DCDC2C: variants seen among roughly 807,000 people sequenced by gnomAD.
The protein encoded by DCDC2C is doublecortin domain containing 2C, also known as doublecortin domain-containing protein 2C.
A neutral mutation model predicts 45.0 loss-of-function variants in DCDC2C; 44 were observed. The ratio of observed to expected loss-of-function variants is 0.98; its 90% confidence interval spans 0.77 to 1.26. DCDC2C has a LOEUF of 1.26. Ranked by LOEUF, DCDC2C falls within the 50% of genes most tolerant of loss-of-function variation. The pLI is 0.00. For synonymous variants in DCDC2C, 187 were observed against 178.8 expected (o/e 1.05, Z -0.37); for missense variants, 447 against 468.9 (o/e 0.95, Z 0.43).
chr2:3,736,476 C>A (rs1309377056), intron 3 of DCDC2C, among the ~76,000 whole-genome samples: 12 of 152,122 alleles, frequency 7.9e-5, no homozygotes, highest in Admixed American at 7.2e-4. Context: ...AGGGTGACTT[C>A]TCCTGTTGAG....
chr2:3,804,720 G>A (rs1156490770), intron 10 of DCDC2C, among the ~76,000 whole-genome samples: 1 of 152,182 alleles, frequency 6.6e-6, no homozygotes, highest in Non-Finnish European at 1.5e-5. Context: ...TGTTATAACA[G>A]ACATGGTCTT....
At chr2:3,721,551 G>A (rs17017928) in intron 2 of DCDC2C, among the ~76,000 whole-genome samples, 3,819 of 152,204 alleles carry the variant, frequency 0.025, 174 homozygotes, top group African/African-American at 0.087. Flanking sequence ...AGACTTTGGA[G>A]CCCAAGACAA....
chr2:3,754,428 C>T (rs1375083675), intron 5 of DCDC2C, among the ~76,000 whole-genome samples, 164 bp from the exon 6 acceptor site: 1 of 152,192 alleles, frequency 6.6e-6, no homozygotes, highest in Non-Finnish European at 1.5e-5. Flanking sequence ...GTTTTCTGCT[C>T]CCAAAGCTGG....
chr2:3,739,415 G>A (rs190450584), intron 3 of DCDC2C, among the ~76,000 whole-genome samples: 79 of 152,200 alleles, frequency 5.2e-4, no homozygotes, highest in African/African-American at 1.8e-3. Context: ...CCCCCATCCT[G>A]TGCCTATAAA....
chr2:3,715,576 T>TTCCA (rs59747438), intron 2 of DCDC2C, among the ~76,000 whole-genome samples: 16,852 of 151,124 alleles, frequency 0.11, 983 homozygotes, highest in Non-Finnish European at 0.13. Context: ...ATCCTAAACT[T>TTCCA]TCCATCCATC....
chr2:3,721,013 G>A (rs1003991332), intron 2 of DCDC2C, among the ~76,000 whole-genome samples: 10 of 151,968 alleles, frequency 6.6e-5, no homozygotes, highest in South Asian at 4.2e-4. Context: ...CGTTCATTTC[G>A]TTTAAGTTGT....
chr2:3,728,713 A>G (rs1430960580), intron 3 of DCDC2C, among the ~76,000 whole-genome samples: 1 of 152,246 alleles, frequency 6.6e-6, no homozygotes, highest in Non-Finnish European at 1.5e-5. Flanking sequence ...TTGTCGCTAT[A>G]AAAACACATA....
chr2:3,814,685 G>A (rs1255678975), intron 10 of DCDC2C, among the ~76,000 whole-genome samples: 1 of 152,266 alleles, frequency 6.6e-6, no homozygotes. Context: ...GGTCTGCAGA[G>A]ACTGTGGCCA....
At chr2:3,742,099 A>G (rs1669234266) in intron 4 of DCDC2C, 51 bp downstream of exon 4, 2 of 1,473,508 alleles carry the variant, frequency 1.4e-6, no homozygotes, top group African/African-American at 1.4e-5. Flanking sequence ...GCTTGTGTTT[A>G]TTCTTTCTAT....
intron 10 of DCDC2C, among the ~76,000 whole-genome samples, chr2:3,790,771 G>A (rs149017349): frequency 2.0e-5 from 3 of 152,156 alleles, no homozygotes; most frequent in African/African-American, 7.2e-5. Flanking sequence ...GTAATGCTAA[G>A]TGGTGTCGTG....
chr2:3,786,258 T>C (rs143405230), intron 10 of DCDC2C, among the ~76,000 whole-genome samples: 1 of 149,974 alleles, frequency 6.7e-6, no homozygotes, highest in Non-Finnish European at 1.5e-5. Flanking sequence ...GCACGGAACC[T>C]CTGATGTGGA....
chr2:3,799,270 T>G (rs1442070014), intron 10 of DCDC2C, among the ~76,000 whole-genome samples: 2 of 152,128 alleles, frequency 1.3e-5, no homozygotes, highest in Non-Finnish European at 2.9e-5. Flanking sequence ...TTATACATTC[T>G]TCTAAATTTT....
At chr2:3,841,081 AT>A (rs1274445296) in intron 10 of DCDC2C, among the ~76,000 whole-genome samples, 1 of 152,222 alleles carries the variant, frequency 6.6e-6, no homozygotes, top group Admixed American at 6.5e-5. Context: ...CAGATTTTCC[AT>A]TGTTCAATTA....
At chr2:3,758,746 G>A (rs988384225) in intron 6 of DCDC2C, among the ~76,000 whole-genome samples, 8 of 152,220 alleles carry the variant, frequency 5.3e-5, no homozygotes, top group African/African-American at 1.9e-4. Context: ...GGTTGCTTAT[G>A]AGGCTGTGTT....
intron 3 of DCDC2C, among the ~76,000 whole-genome samples, chr2:3,740,591 G>A (rs1046078054): frequency 6.6e-6 from 1 of 152,138 alleles, no homozygotes; most frequent in Non-Finnish European, 1.5e-5. Context: ...AACCAATTAG[G>A]AAAACCAATA....
intron 8 of DCDC2C, among the ~76,000 whole-genome samples, chr2:3,772,601 G>A (rs775066241): frequency 6.6e-6 from 1 of 152,174 alleles, no homozygotes; most frequent in Admixed American, 6.5e-5. Context: ...GTCATTGGGG[G>A]CGCTGGGTGT....
chr2:3,838,362 G>C (rs1672130956), intron 10 of DCDC2C, among the ~76,000 whole-genome samples: 2 of 151,942 alleles, frequency 1.3e-5, no homozygotes, highest in African/African-American at 4.8e-5. Context: ...GTAAGGAGCA[G>C]GATCATCAGA....
At chr2:3,742,116 T>C (rs1669234763) in intron 4 of DCDC2C, 68 bp downstream of exon 4, 1 of 1,446,746 alleles carries the variant, frequency 6.9e-7, no homozygotes, top group East Asian at 2.6e-5. Flanking sequence ...CTATGAGAGT[T>C]TTCTGCCTGG....
At chr2:3,790,909 C>T (rs1007062308) in intron 10 of DCDC2C, among the ~76,000 whole-genome samples, 1 of 152,028 alleles carries the variant, frequency 6.6e-6, no homozygotes, top group Non-Finnish European at 1.5e-5. Context: ...GAGATCGAGA[C>T]CATCCTGGCT....
Sources: allele counts gnomAD v4.1 joint callset (sites outside exome capture counted in the v4.1 genomes callset), GRCh38; gene constraint gnomAD v4.1.1; transcripts MANE v1.5; gene names NCBI Gene and HGNC (gene_info 2026-07-23, HGNC 2026-07-21).